The following CDK14 variants were observed in gnomAD, a reference collection of about 807,000 sequenced individuals.
The protein encoded by CDK14 is cyclin dependent kinase 14.
Under a neutral mutation model 60.7 loss-of-function variants are expected in CDK14, and 34 were observed. The ratio of observed to expected loss-of-function variants is 0.56; its 90% CI spans 0.43 to 0.75. The LOEUF (loss-of-function observed/expected upper bound fraction) is 0.75, where lower values mean the gene tolerates loss of function less well. Among genes scored for constraint, CDK14 ranks in the 30% least tolerant of loss-of-function variants. CDK14 has a pLI of 0.00. For synonymous variants in CDK14, 197 were observed against 203.7 expected, an observed-to-expected ratio of 0.97 and a Z score of 0.28; for missense variants, 482 against 564.1, an observed-to-expected ratio of 0.85 and a Z score of 1.47.
At chr7:91,114,092 G>T (rs1799544380) in intron 13 of CDK14, among the ~76,000 whole-genome samples, 1 of 152,102 alleles carries the variant, frequency 6.6e-6, no homozygotes, top group Admixed American at 6.6e-5. Context: ...AGGCTCACTA[G>T]TTTACGGCTC....
intron 6 of CDK14, among the ~76,000 whole-genome samples, chr7:90,892,151 G>A (rs1015896920): frequency 2.6e-5 from 4 of 152,190 alleles, no homozygotes; most frequent in African/African-American, 9.7e-5. Context: ...GAGGGATATT[G>A]CTTCTTTCCC....
chr7:90,603,861 C>T (rs1799365424), intron 1 of CDK14, among the ~76,000 whole-genome samples: 1 of 152,114 alleles, frequency 6.6e-6, no homozygotes, highest in Admixed American at 6.5e-5. Context: ...CTTCTCAAAA[C>T]CCAGGAGTTT....
chr7:90,867,991 G>T (rs1012726087), intron 6 of CDK14, among the ~76,000 whole-genome samples: 1 of 151,770 alleles, frequency 6.6e-6, no homozygotes, highest in Non-Finnish European at 1.5e-5. Context: ...AATTACCCAG[G>T]CTGGTGGCAT....
intron 2 of CDK14, among the ~76,000 whole-genome samples, chr7:90,723,091 G>A (rs1484939122): frequency 1.3e-5 from 2 of 152,146 alleles, no homozygotes; most frequent in Non-Finnish European, 2.9e-5. Context: ...TTTTTTGGTA[G>A]ATGCTCTCTA....
chr7:91,123,714 C>T (rs932874230), intron 14 of CDK14, among the ~76,000 whole-genome samples: 44 of 152,074 alleles, frequency 2.9e-4, no homozygotes, highest in Admixed American at 2.6e-3. Flanking sequence ...TGTCCCTTCT[C>T]TGCCTCTCCA....
intron 9 of CDK14, among the ~76,000 whole-genome samples, chr7:90,978,908 T>G (rs1007648938): frequency 5.3e-5 from 8 of 152,202 alleles, no homozygotes; most frequent in African/African-American, 1.7e-4. Flanking sequence ...TATTATACTT[T>G]CTTTTCTTTG....
chr7:91,171,936 G>T (rs1468310084), intron 14 of CDK14, among the ~76,000 whole-genome samples: 3 of 152,004 alleles, frequency 2.0e-5, no homozygotes, highest in East Asian at 3.9e-4. Flanking sequence ...CACTGCACCC[G>T]GCCCATATTT....
At chr7:90,955,078 A>G (rs1480366065) in intron 8 of CDK14, among the ~76,000 whole-genome samples, 1 of 152,140 alleles carries the variant, frequency 6.6e-6, no homozygotes, top group Non-Finnish European at 1.5e-5. Flanking sequence ...TTTATCATAT[A>G]TAATCTCATC....
At chr7:90,781,482 G>A (rs953491503) in intron 4 of CDK14, among the ~76,000 whole-genome samples, 9 of 149,966 alleles carry the variant, frequency 6.0e-5, no homozygotes, top group Non-Finnish European at 1.0e-4. Flanking sequence ...TAGACATGAA[G>A]TCCTTGCCCA....
intron 4 of CDK14, among the ~76,000 whole-genome samples, chr7:90,779,436 G>C (rs899836629): frequency 6.6e-6 from 1 of 152,048 alleles, no homozygotes; most frequent in African/African-American, 2.4e-5. Context: ...AATTTTTGTA[G>C]GGAGAAGGGA....
At chr7:90,810,483 G>T (rs1789048759) in intron 5 of CDK14, among the ~76,000 whole-genome samples, 1 of 152,122 alleles carries the variant, frequency 6.6e-6, no homozygotes, top group Non-Finnish European at 1.5e-5. Flanking sequence ...AAAATAATAA[G>T]AGCTATCTAT....
chr7:90,600,326 CT>C (rs1799288754), intron 1 of CDK14, among the ~76,000 whole-genome samples: 1 of 151,926 alleles, frequency 6.6e-6, no homozygotes, highest in South Asian at 2.1e-4. Flanking sequence ...TTTCTTGTTT[CT>C]TTTTTATTTT....
chr7:91,045,792 A>G, intron 10 of CDK14, 105 bp from the exon 11 acceptor site: 1 of 683,934 alleles, frequency 1.5e-6, no homozygotes, highest in Non-Finnish European at 2.5e-6. Flanking sequence ...GGAAAAAAAA[A>G]TACCAGAGTT....
chr7:90,767,247 A>G (rs1007619998), intron 4 of CDK14, among the ~76,000 whole-genome samples: 4 of 152,228 alleles, frequency 2.6e-5, no homozygotes, highest in Non-Finnish European at 5.9e-5. Context: ...TCACTGAGTC[A>G]TGCAGGCCTG....
chr7:90,830,154 G>A (rs1789868650), intron 5 of CDK14, among the ~76,000 whole-genome samples: 1 of 152,162 alleles, frequency 6.6e-6, no homozygotes, highest in African/African-American at 2.4e-5. Context: ...CATCGCCCTA[G>A]TAGAGGTTCT....
intron 5 of CDK14, among the ~76,000 whole-genome samples, chr7:90,833,038 A>C (rs1016644709): frequency 6.6e-6 from 1 of 152,150 alleles, no homozygotes; most frequent in Non-Finnish European, 1.5e-5. Flanking sequence ...TCTGTTTGCC[A>C]TTGTCTTTTC....
At chr7:90,918,797 T>A (rs762351476) in intron 8 of CDK14, among the ~76,000 whole-genome samples, 1 of 152,236 alleles carries the variant, frequency 6.6e-6, no homozygotes, top group Non-Finnish European at 1.5e-5. Flanking sequence ...ATTTCAAGGT[T>A]AGTAGACTGT....
chr7:90,744,850 AC>A (rs1197313176), intron 3 of CDK14, among the ~76,000 whole-genome samples: 2 of 128,078 alleles, frequency 1.6e-5, no homozygotes, highest in African/African-American at 6.2e-5. Flanking sequence ...ACGGGGGCTG[AC>A]CCCCCCACCT....
At chr7:90,859,050 T>G (rs1352440543) in intron 5 of CDK14, among the ~76,000 whole-genome samples, 2 of 152,164 alleles carry the variant, frequency 1.3e-5, no homozygotes, top group Non-Finnish European at 2.9e-5. Context: ...ACAATAAGGT[T>G]TTTAGTGTGC....
Sources: allele counts gnomAD v4.1 joint callset (sites outside exome capture counted in the v4.1 genomes callset), GRCh38; gene constraint gnomAD v4.1.1; transcripts MANE v1.5; gene names NCBI Gene and HGNC (gene_info 2026-07-23, HGNC 2026-07-21).